Variants in PLXNA2 observed in about 807,000 individuals in gnomAD.
The protein encoded by PLXNA2 is plexin-A2.
A neutral mutation model predicts 193.5 loss-of-function variants in PLXNA2; 91 were observed. That is an observed-to-expected ratio of 0.47 (90% CI 0.40 to 0.56). The LOEUF is 0.56. PLXNA2 is among the 20% of genes least tolerant of loss of function. The pLI, the probability that PLXNA2 is intolerant of heterozygous loss-of-function variation, is 0.00. For missense variants in PLXNA2, 1,995 were observed against 2,503.2 expected (o/e 0.80, Z 4.33); for synonymous variants, 997 against 1,027.3 (o/e 0.97, Z 0.56).
intron 3 of PLXNA2, among the ~76,000 whole-genome samples, chr1:208,177,435 C>T (rs975509811): frequency 1.3e-5 from 2 of 152,186 alleles, no homozygotes; most frequent in African/African-American, 4.8e-5. Flanking sequence ...ATAATAATTA[C>T]AGATACCTCA....
intron 12 of PLXNA2, among the ~76,000 whole-genome samples, chr1:208,073,579 C>T (rs193077908): frequency 4.9e-4 from 74 of 152,276 alleles, no homozygotes; most frequent in African/African-American, 1.7e-3. Flanking sequence ...ATGGTGGCAT[C>T]TCCCCCCTCT....
At chr1:208,234,300 G>C (rs1390708855) in intron 1 of PLXNA2, among the ~76,000 whole-genome samples, 1 of 152,146 alleles carries the variant, frequency 6.6e-6, no homozygotes, top group African/African-American at 2.4e-5. Context: ...CATTTCCCAA[G>C]TATTCTACAC....
intron 15 of PLXNA2, among the ~76,000 whole-genome samples, chr1:208,051,670 CG>C (rs1365038181): frequency 6.6e-6 from 1 of 152,086 alleles, no homozygotes; most frequent in Non-Finnish European, 1.5e-5. Context: ...TCATGGGCTT[CG>C]GGGAAACTCC....
intron 3 of PLXNA2, among the ~76,000 whole-genome samples, chr1:208,150,210 A>G (rs761134931): frequency 2.6e-5 from 4 of 152,194 alleles, no homozygotes; most frequent in Non-Finnish European, 4.4e-5. Flanking sequence ...ACACACGCAC[A>G]TGCACACACA....
At chr1:208,163,384 G>A (rs1052463472) in intron 3 of PLXNA2, among the ~76,000 whole-genome samples, 1 of 152,174 alleles carries the variant, frequency 6.6e-6, no homozygotes, top group East Asian at 1.9e-4. Context: ...CCTGGGCTGG[G>A]GGAGGGAGGT....
chr1:208,211,543 AT>A (rs1670949620), intron 2 of PLXNA2, among the ~76,000 whole-genome samples: 2 of 152,098 alleles, frequency 1.3e-5, no homozygotes, highest in Admixed American at 1.3e-4. Context: ...AATACAAAAA[AT>A]TAGCCAGGCG....
intron 4 of PLXNA2, among the ~76,000 whole-genome samples, chr1:208,138,394 G>A (rs1445405148): frequency 6.6e-6 from 1 of 152,220 alleles, no homozygotes; most frequent in African/African-American, 2.4e-5. Flanking sequence ...GAGCTTGGGA[G>A]GTTAGGTGTA....
chr1:208,243,881 C>T lies in PLXNA2; in HGVS notation c.-319G>A, dbSNP rs1233958346. ...CGCGCCCCTCAGTCCTCCGTCGCCC[C>T]GCAGCAGCCCGGCTGGGCGCTGTCG... On this transcript the variant is annotated 5_prime_UTR_variant, in exon 1 of 32. Transcript: ENST00000367033. The T allele has an allele frequency of 6.6e-6, 1 of 152,334 alleles. No homozygotes were observed. Among genetic ancestry groups the T allele is most frequent in the Non-Finnish European group, 1.5e-5 (1 of 68,170 alleles). 9.4% of individuals were successfully genotyped at this position (152,334 alleles called of 1,614,324 possible).
intron 2 of PLXNA2, 38 bp downstream of exon 2, chr1:208,216,697 C>G: frequency 5.7e-6 from 9 of 1,578,664 alleles, no homozygotes; most frequent in Non-Finnish European, 7.7e-6. Flanking sequence ...GAACCTGTGT[C>G]ATGGAGCAGG....
intron 4 of PLXNA2, among the ~76,000 whole-genome samples, chr1:208,130,520 G>A (rs559688661): frequency 5.3e-5 from 8 of 152,286 alleles, no homozygotes; most frequent in African/African-American, 7.2e-5. Context: ...GCCTCCGAGC[G>A]CTGTGCACAC....
chr1:208,156,853 G>A (rs796132014), intron 3 of PLXNA2, among the ~76,000 whole-genome samples: 10 of 152,274 alleles, frequency 6.6e-5, no homozygotes, highest in African/African-American at 9.6e-5. Flanking sequence ...CCAGAAAGCC[G>A]TAAACTTGGA....
rs1045690328 is a variant in PLXNA2, at chr1:208,059,606, T to C, written c.2738+1080A>G. Among the ~76,000 whole-genome samples, 3 of 152,188 alleles carry C rather than the reference T, an allele frequency of 2.0e-5. No individual in the cohort carries two copies. The East Asian group carries it at 5.8e-4, about 29-fold the overall frequency. On this transcript the variant is annotated intron_variant, in intron 13 of 31. Transcript: ENST00000367033. ...TTATGGAAGGGAAGTAGCCCTGCAT[T>C]AGGGGTCAGGAGACTCAAGGTCTAA...
At chr1:208,173,787 A>G (rs1367711416) in intron 3 of PLXNA2, among the ~76,000 whole-genome samples, 1 of 152,206 alleles carries the variant, frequency 6.6e-6, no homozygotes, top group African/African-American at 2.4e-5. Flanking sequence ...GCCAAGAAGG[A>G]GGAGAACTAA....
intron 1 of PLXNA2, 36 bp downstream of exon 1, chr1:208,243,607 T>C (rs1283907931): frequency 6.6e-6 from 1 of 152,070 alleles, no homozygotes; most frequent in East Asian, 1.9e-4. Flanking sequence ...CGGAGGGCGC[T>C]GCCGACTCCG....
At chr1:208,182,528 G>A (rs1255289980) in intron 3 of PLXNA2, among the ~76,000 whole-genome samples, 19 of 152,202 alleles carry the variant, frequency 1.2e-4, no homozygotes, top group Admixed American at 7.9e-4. Flanking sequence ...TACTGAAAGC[G>A]TCTTGCTCTG....
chr1:208,201,892 C>A (rs143007240), intron 3 of PLXNA2, among the ~76,000 whole-genome samples: 1 of 152,078 alleles, frequency 6.6e-6, no homozygotes, highest in Non-Finnish European at 1.5e-5. Flanking sequence ...CACTTATCAC[C>A]CACTAAACAT....
intron 3 of PLXNA2, among the ~76,000 whole-genome samples, chr1:208,200,715 C>T (rs1032270488): frequency 6.6e-6 from 1 of 151,866 alleles, no homozygotes. Flanking sequence ...CCTCCTGCCT[C>T]AGCCTCCTTA....
At chr1:208,173,989 T>C (rs1270080966) in intron 3 of PLXNA2, among the ~76,000 whole-genome samples, 2 of 152,246 alleles carry the variant, frequency 1.3e-5, no homozygotes, top group African/African-American at 2.4e-5. Flanking sequence ...GAAGCACATA[T>C]GCTGGAGACA....
At chr1:208,060,907 T>G (rs1197884756) in intron 12 of PLXNA2, 70 bp from the exon 13 acceptor site, 12 of 1,465,264 alleles carry the variant, frequency 8.2e-6, no homozygotes, top group Non-Finnish European at 1.0e-5. Flanking sequence ...CCCTTCCCCC[T>G]CCCCCAGGGA....
Sources: gnomAD v4.1 joint callset for allele counts (sites outside exome capture counted in the v4.1 genomes callset) on GRCh38, gnomAD v4.1.1 for gene constraint, MANE v1.5 for transcripts, NCBI Gene and HGNC (gene_info 2026-07-23, HGNC 2026-07-21) for gene names.